The following RBM19 variants were observed in gnomAD, a reference collection of about 807,000 sequenced individuals.
The protein encoded by RBM19 is probable RNA-binding protein 19.
A neutral mutation model predicts 116.8 loss-of-function variants in RBM19; 94 were observed. The ratio of observed to expected loss-of-function variants is 0.80; its 90% CI spans 0.68 to 0.95. RBM19 has a LOEUF of 0.95. Among genes scored for constraint, RBM19 ranks in the 40% least tolerant of loss-of-function variants. The pLI is 0.00. For missense variants in RBM19, 1,161 were observed against 1,220.7 expected, an observed-to-expected ratio of 0.95 and a Z score of 0.73; for synonymous variants, 475 against 494.1, an observed-to-expected ratio of 0.96 and a Z score of 0.51.
At chr12:113,918,137 A>C (rs552335865) in intron 20 of RBM19, among the ~76,000 whole-genome samples, 2 of 129,310 alleles carry the variant, frequency 1.5e-5, no homozygotes, top group African/African-American at 5.3e-5. Context: ...TATTAAAAAA[A>C]AAAAGAAAAA....
rs7131961 is a variant in RBM19 at position 113,826,594 on chromosome 12, T to G, written c.2786-3273A>C. 9.4e-3 allele frequency among the ~76,000 whole-genome samples: 1,431 copies of G among 152,318 alleles called. 23 individuals are homozygous for G. The highest frequency in any genetic ancestry group is 0.033 in the African/African-American group (1,373 of 41,578). On this transcript the variant is annotated intron_variant, in intron 23 of 23. Coordinates refer to ENST00000261741, the MANE Select transcript of RBM19 (RefSeq NM_016196.4). ...GGCATGGTGGGGAACAAGCCTGGCT[T>G]GGCCCCACCTAAGGCTTTCTGGTCT...
At chr12:113,830,570 C>CGGGGGGGGGGG (rs869235673) in intron 23 of RBM19, among the ~76,000 whole-genome samples, 2 of 7,850 alleles carry the variant, frequency 2.5e-4, no homozygotes, top group Non-Finnish European at 4.3e-4. Context: ...GCTAGGGCTG[C>CGGGGGGGGGGG]GGGGCGGGGG....
chr12:113,961,856 C>G (rs1872526121), intron 2 of RBM19, among the ~76,000 whole-genome samples: 1 of 152,252 alleles, frequency 6.6e-6, no homozygotes, highest in African/African-American at 2.4e-5. Context: ...GCTGAGGCAT[C>G]ACCTTTTTCT....
chr12:113,882,771 A>G (rs1185040430), intron 21 of RBM19, among the ~76,000 whole-genome samples: 4 of 152,200 alleles, frequency 2.6e-5, no homozygotes, highest in Non-Finnish European at 5.9e-5. Flanking sequence ...GCATGTGCTT[A>G]CTGGGCAAAT....
At chr12:113,891,466 C>G (rs922076576) in intron 21 of RBM19, among the ~76,000 whole-genome samples, 1 of 152,228 alleles carries the variant, frequency 6.6e-6, no homozygotes, top group African/African-American at 2.4e-5. Flanking sequence ...AGATCTTAAA[C>G]TTCTTTCCCA....
At chr12:113,832,819 T>C (rs954451758) in intron 23 of RBM19, among the ~76,000 whole-genome samples, 2 of 152,324 alleles carry the variant, frequency 1.3e-5, no homozygotes, top group Admixed American at 1.3e-4. Context: ...CTTTCCTGAC[T>C]GTGAGTTTTA....
At chr12:113,872,052 C>T (rs1879247144) in intron 21 of RBM19, among the ~76,000 whole-genome samples, 1 of 146,462 alleles carries the variant, frequency 6.8e-6, no homozygotes, top group Non-Finnish European at 1.5e-5. Context: ...GCGTCTCCGC[C>T]CAGCCGCCAT....
chr12:113,854,930 G>A (rs3782435), intron 22 of RBM19, among the ~76,000 whole-genome samples: 10,042 of 152,276 alleles, frequency 0.066, 643 homozygotes, highest in East Asian at 0.34. Context: ...CAAAGCCAGC[G>A]CGCTCGCGGG....
At chr12:113,948,743 G>T in intron 10 of RBM19, 90 bp downstream of exon 10, 2 of 1,326,744 alleles carry the variant, frequency 1.5e-6, no homozygotes, top group Non-Finnish European at 2.1e-6. Flanking sequence ...GGAGTCGTGT[G>T]CACACTGGGA....
intron 22 of RBM19, among the ~76,000 whole-genome samples, chr12:113,849,857 T>C (rs1005149157): frequency 2.0e-5 from 3 of 152,184 alleles, no homozygotes; most frequent in African/African-American, 7.2e-5. Flanking sequence ...AGGAGCCAAC[T>C]CTGCACAGTG....
chr12:113,849,927 T>C (rs1294740010), intron 22 of RBM19, among the ~76,000 whole-genome samples: 1 of 152,158 alleles, frequency 6.6e-6, no homozygotes, highest in Admixed American at 6.5e-5. Context: ...GTGGCACTTC[T>C]GGGAGACTGG....
exon 25 of RBM19, chr12:113,816,935 C>CTCA (rs1335320454): frequency 2.0e-5 from 3 of 152,170 alleles, no homozygotes; most frequent in African/African-American, 4.8e-5. Flanking sequence ...TCAGCATGCG[C>CTCA]TCACTCTCCC....
chr12:113,875,813 C>T (rs947847071), intron 21 of RBM19, among the ~76,000 whole-genome samples: 15 of 152,274 alleles, frequency 9.9e-5, no homozygotes, highest in African/African-American at 2.6e-4. Context: ...GTGTCTCTGG[C>T]GACGCACAAA....
At chr12:113,819,349 C>T (rs1255886448), downstream of RBM19, among the ~76,000 whole-genome samples, 1 of 152,234 alleles carries the variant, frequency 6.6e-6, no homozygotes, top group Non-Finnish European at 1.5e-5. Flanking sequence ...GGTGTCACCT[C>T]TCCTTTCCTA....
At chr12:113,920,876 C>T (rs1015253026) in intron 18 of RBM19, among the ~76,000 whole-genome samples, 186 bp from the exon 19 acceptor site, 3 of 152,262 alleles carry the variant, frequency 2.0e-5, no homozygotes, top group Non-Finnish European at 2.9e-5. Flanking sequence ...AATCAGCCAA[C>T]GCAGTTAACA....
At chr12:113,877,626 A>G (rs1413575192) in intron 21 of RBM19, among the ~76,000 whole-genome samples, 1 of 152,232 alleles carries the variant, frequency 6.6e-6, no homozygotes, top group Non-Finnish European at 1.5e-5. Context: ...CTCAAAAAGG[A>G]AGTGCTGAAG....
chr12:113,835,882 C>A (rs1274310320), intron 23 of RBM19, among the ~76,000 whole-genome samples: 1 of 152,198 alleles, frequency 6.6e-6, no homozygotes, highest in Non-Finnish European at 1.5e-5. Context: ...ACGCTCCCAG[C>A]CAAATAAAAG....
In RBM19 at chr12:113,825,855, C is replaced by T. The variant is rs1201037861; in HGVS notation, c.2786-2534G>A. Among the ~76,000 whole-genome samples, 1 of 152,216 alleles carries T rather than the reference C, an allele frequency of 6.6e-6. No individual in the cohort carries two copies. The highest frequency in any genetic ancestry group is 1.9e-4 in the East Asian group (1 of 5,200). ...CTCCTCCCAGGAGTCTGGTCTCAAA[C>T]GGCAGCCAGAGGGAGCTTGTTAAAT... is the stretch of plus-strand genomic sequence containing the variant. On this transcript the variant is annotated intron_variant, in intron 23 of 23. Transcript: ENST00000261741. The surrounding 1 kb of genome is among the most constrained non-coding windows in gnomAD (Gnocchi z 5.7).
At chr12:113,851,672 C>A (rs931751300) in intron 22 of RBM19, among the ~76,000 whole-genome samples, 2 of 151,798 alleles carry the variant, frequency 1.3e-5, no homozygotes, top group East Asian at 1.9e-4. Flanking sequence ...TTTAGCCCAA[C>A]GCCTGGCATA....
Sources: allele counts gnomAD v4.1 joint callset (sites outside exome capture counted in the v4.1 genomes callset), GRCh38; gene constraint gnomAD v4.1.1; non-coding constraint Gnocchi (gnomAD v3.1); transcripts MANE v1.5; gene names NCBI Gene and HGNC (gene_info 2026-07-23, HGNC 2026-07-21).